The following ASCC2 variants were observed in gnomAD, a reference collection of about 807,000 sequenced individuals.
The protein encoded by ASCC2 is activating signal cointegrator 1 complex subunit 2, also known as ASC-1 complex subunit P100.
Under a neutral mutation model 93.5 loss-of-function variants are expected in ASCC2, and 42 were observed. The observed-to-expected ratio is 0.45, with a 90% CI of 0.35 to 0.58. ASCC2 has a LOEUF of 0.58. Among genes scored for constraint, ASCC2 ranks in the 20% least tolerant of loss-of-function variants. The probability of loss-of-function intolerance (pLI) is 0.00; values close to 1 mark genes in which losing one functional copy is unlikely to be tolerated. For missense variants in ASCC2, 859 were observed against 977.6 expected, an observed-to-expected ratio of 0.88 and a Z score of 1.62; for synonymous variants, 364 against 384.2, an observed-to-expected ratio of 0.95 and a Z score of 0.62.
Position 29,804,637 on chromosome 22 carries a change from C to T in ASCC2, c.1353+1G>A, listed in dbSNP as rs1418367668. 1 of 1,613,540 alleles carries T rather than the reference C, an allele frequency of 6.2e-7. No individual in the cohort carries two copies. The highest frequency in any genetic ancestry group is 2.2e-5 in the East Asian group (1 of 44,874). ...GGGAAAAGCGCCACTCAGACACATACCTCCTCTTCCTCCGAGTTCTCCGGA... is the reference window on the plus strand; with the variant it reads ...GGGAAAAGCGCCACTCAGACACATATCTCCTCTTCCTCCGAGTTCTCCGGA... On this transcript the variant is annotated splice_donor_variant, in intron 13 of 19. Coordinates refer to ENST00000307790, the MANE Select transcript of ASCC2 (RefSeq NM_032204.5). LOFTEE classifies it high-confidence loss of function.
chr22:29,829,080 G>C (rs1758553541), intron 2 of ASCC2, among the ~76,000 whole-genome samples: 1 of 152,112 alleles, frequency 6.6e-6, no homozygotes, highest in Admixed American at 6.5e-5. Flanking sequence ...GGAGGCTGAG[G>C]CAGGAGAATC....
intron 8 of ASCC2, among the ~76,000 whole-genome samples, chr22:29,808,883 C>A (rs564930026): frequency 6.6e-6 from 1 of 151,628 alleles, no homozygotes; most frequent in South Asian, 2.1e-4. Flanking sequence ...CTCTGGGAGA[C>A]CGAGATGGGT....
intron 18 of ASCC2, among the ~76,000 whole-genome samples, chr22:29,791,684 AAACAAC>A (rs968725048): frequency 5.3e-5 from 8 of 152,194 alleles, no homozygotes; most frequent in African/African-American, 1.7e-4. Flanking sequence ...GCCATCTCCA[AAACAAC>A]AACAACAACA....
intron 14 of ASCC2, among the ~76,000 whole-genome samples, 195 bp downstream of exon 14, chr22:29,801,799 C>T (rs1431737169): frequency 1.3e-5 from 2 of 152,086 alleles, no homozygotes; most frequent in South Asian, 4.1e-4. Context: ...ACACTCTCTG[C>T]CCTGCCTGGG....
At chr22:29,830,227 C>A (rs898301379) in intron 2 of ASCC2, among the ~76,000 whole-genome samples, 1 of 152,358 alleles carries the variant, frequency 6.6e-6, no homozygotes, top group South Asian at 2.1e-4. Context: ...TTAATCCCCA[C>A]AACCACCCTG....
intron 19 of ASCC2, 54 bp downstream of exon 19, chr22:29,790,414 GC>G: frequency 6.3e-7 from 1 of 1,585,464 alleles, no homozygotes; most frequent in East Asian, 2.2e-5. Context: ...GGCTGGCTAG[GC>G]CCTCCCCAGA....
At chr22:29,817,274 G>A (rs1009377125) in intron 5 of ASCC2, among the ~76,000 whole-genome samples, 3 of 152,064 alleles carry the variant, frequency 2.0e-5, no homozygotes, top group African/African-American at 7.3e-5. Flanking sequence ...TGATAGGCAA[G>A]GAAAGACAGA....
chr22:29,824,963 T>C lies in ASCC2; in HGVS notation c.411+124A>G, dbSNP rs552118097. The C allele has an allele frequency of 3.4e-5, 33 of 980,498 alleles. No homozygotes were observed. The South Asian group carries it at 3.8e-4, about 11-fold the overall frequency. 60.7% of individuals were successfully genotyped at this position (980,498 alleles called of 1,614,324 possible). A position where few individuals can be genotyped will look rare whatever the true frequency, so the allele number is the denominator to read the frequency against. On this transcript the variant is annotated intron_variant, in intron 4 of 19. Coordinates refer to ENST00000307790, the MANE Select transcript of ASCC2 (RefSeq NM_032204.5). ...CAGATTTCTTCCCCAACAGTGGGAA[T>C]AAAGATGGAAGAGAGACAAAGAGGA...
chr22:29,820,444 G>A (rs1045511009), intron 5 of ASCC2, among the ~76,000 whole-genome samples: 5 of 151,900 alleles, frequency 3.3e-5, no homozygotes, highest in African/African-American at 1.2e-4. Context: ...TTACAGGCGT[G>A]AGCCACCTCG....
intron 4 of ASCC2, 100 bp from the exon 5 acceptor site, chr22:29,822,564 G>T (rs952702244): frequency 1.3e-5 from 19 of 1,427,136 alleles, no homozygotes; most frequent in African/African-American, 2.8e-5. Context: ...CATCAAATGG[G>T]GACTGGTTAA....
chr22:29,824,465 A>C (rs1360092343), intron 4 of ASCC2, among the ~76,000 whole-genome samples: 2 of 151,774 alleles, frequency 1.3e-5, no homozygotes, highest in East Asian at 3.9e-4. Context: ...AAATCAAATA[A>C]ATTAGCCAGG....
chr22:29,798,109 G>T (rs2058652596), intron 15 of ASCC2, among the ~76,000 whole-genome samples: 1 of 152,122 alleles, frequency 6.6e-6, no homozygotes, highest in Non-Finnish European at 1.5e-5. Context: ...ACCATGGAAT[G>T]GTCCAAAGGG....
intron 2 of ASCC2, among the ~76,000 whole-genome samples, chr22:29,829,358 T>C (rs1027613243): frequency 1.3e-5 from 2 of 152,192 alleles, no homozygotes; most frequent in East Asian, 1.9e-4. Context: ...TCACCCAGCA[T>C]TCCGAGTCTA....
intron 10 of ASCC2, 87 bp downstream of exon 10, chr22:29,806,710 G>A (rs2059714097): frequency 1.4e-6 from 2 of 1,444,974 alleles, no homozygotes; most frequent in Non-Finnish European, 1.9e-6. Flanking sequence ...CAGTGCAGTG[G>A]AGGAAGCCAA....
chr22:29,791,994 G>A (rs190066251), intron 18 of ASCC2, among the ~76,000 whole-genome samples: 71 of 152,326 alleles, frequency 4.7e-4, no homozygotes, highest in Non-Finnish European at 8.4e-4. Context: ...TGTTCTGTAC[G>A]TTGAGGTTCT....
At chr22:29,819,117 G>A (rs966397698) in intron 5 of ASCC2, among the ~76,000 whole-genome samples, 9 of 152,198 alleles carry the variant, frequency 5.9e-5, no homozygotes, top group African/African-American at 2.2e-4. Flanking sequence ...GCTGAGACAT[G>A]CCAGGCACGG....
intron 4 of ASCC2, among the ~76,000 whole-genome samples, chr22:29,823,944 T>A (rs1268414744): frequency 6.6e-6 from 1 of 152,052 alleles, no homozygotes; most frequent in Non-Finnish European, 1.5e-5. Context: ...TAATCCCAGC[T>A]ACTTGGGAGG....
At position 29,811,121 on chromosome 22, in the gene ASCC2, G is replaced by A. The variant is rs558843040; in HGVS notation, c.833+2309C>T. Among the ~76,000 whole-genome samples, 14 of 152,238 alleles carry A rather than the reference G, an allele frequency of 9.2e-5. No individual in the cohort carries two copies. In the East Asian group the frequency reaches 2.5e-3, roughly 27 times the overall value. On this transcript the variant is annotated intron_variant, in intron 8 of 19. Transcript: ENST00000307790. ...TATTCCATACAGTGGAATTCTACCC[G>A]GCCATACCAAAGACATTAGAGAAAG... is the stretch of plus-strand genomic sequence containing the variant.
In ASCC2 at chr22:29,790,561, G is replaced by A. The variant is rs775707515; in HGVS notation, c.2023-13C>T. 18 of 1,613,394 alleles carry A rather than the reference G, an allele frequency of 1.1e-5. No individual in the cohort carries two copies. Among genetic ancestry groups the A allele is most frequent in the African/African-American group, 1.3e-5 (1 of 74,940 alleles). On this transcript the variant is annotated splice_polypyrimidine_tract_variant and intron_variant, in intron 18 of 19. Transcript: ENST00000307790. ...CAAAATGGTCGGGCTGTGGAAAGGA[G>A]AGGAGACCAAATCTGGAGTCAGGAG... is the stretch of plus-strand genomic sequence containing the variant.
Sources: gnomAD v4.1 joint callset for allele counts (sites outside exome capture counted in the v4.1 genomes callset) on GRCh38, gnomAD v4.1.1 for gene constraint, MANE v1.5 for transcripts, NCBI Gene and HGNC (gene_info 2026-07-23, HGNC 2026-07-21) for gene names.